The following NLRC5 variants were observed in gnomAD, a reference collection of about 807,000 sequenced individuals.
NLRC5 encodes the protein protein NLRC5.
A neutral mutation model predicts 206.9 loss-of-function variants in NLRC5; 114 were observed. The observed-to-expected ratio is 0.55, with a 90% CI of 0.47 to 0.64. The LOEUF (loss-of-function observed/expected upper bound fraction) is 0.64. Among genes scored for constraint, NLRC5 ranks in the 30% least tolerant of loss-of-function variants. The pLI, the probability that NLRC5 is intolerant of heterozygous loss-of-function variation, is 0.00. For missense variants in NLRC5, 2,008 were observed against 2,305.5 expected, an observed-to-expected ratio of 0.87 and a Z score of 2.64; for synonymous variants, 952 against 962.8, an observed-to-expected ratio of 0.99 and a Z score of 0.21.
intron 19 of NLRC5, 50 bp downstream of exon 19, chr16:57,042,115 A>G (rs2063356027): frequency 8.3e-7 from 1 of 1,205,898 alleles, no homozygotes; most frequent in Non-Finnish European, 1.1e-6. Flanking sequence ...GGGGGGGAGC[A>G]TTCTCTGTCC....
intron 10 of NLRC5, 98 bp from the exon 11 acceptor site, chr16:57,031,306 G>C (rs1321997216): frequency 7.7e-7 from 1 of 1,293,174 alleles, no homozygotes. Context: ...GCTTTATCTG[G>C]ATGTTTGAAC....
chr16:57,059,255 C>T, intron 29 of NLRC5, 194 bp downstream of exon 29: 2 of 1,468,478 alleles, frequency 1.4e-6, no homozygotes, highest in Non-Finnish European at 9.0e-7. Flanking sequence ...GCCCGGGTGC[C>T]ATGGGGACCA....
At chr16:57,062,841 G>C (rs1005512052) in intron 32 of NLRC5, 4 of 151,870 alleles carry the variant, frequency 2.6e-5, no homozygotes, top group South Asian at 2.1e-4. Flanking sequence ...TTTTTTGTAC[G>C]GCCAATCTCC....
At chr16:57,028,406 C>T in intron 8 of NLRC5, 21 bp downstream of exon 8, 6 of 1,592,906 alleles carry the variant, frequency 3.8e-6, no homozygotes, top group Non-Finnish European at 5.2e-6. Context: ...TCCAGGAGGG[C>T]TCACTGACTG....
In NLRC5 at chr16:57,039,755, T is replaced by G. The variant is rs1567582991; in HGVS notation, c.2802-26T>G. The stretch of plus-strand genomic sequence containing the variant: ...AACAGGGAGCCAATAACCTCTCGCT[T>G]CCTCACCCCTCTTTTGTCTTCACAG... On this transcript the variant is annotated intron_variant, in intron 15 of 48. Coordinates refer to ENST00000688547, the MANE Select transcript of NLRC5 (RefSeq NM_001384950.1). 2.5e-6 allele frequency: 4 copies of G among 1,607,378 alleles called. No individual in the cohort carries two copies. In the East Asian group the frequency reaches 8.9e-5, roughly 36 times the overall value.
chr16:57,016,080 T>A lies in NLRC5; in HGVS notation c.-127-994T>A, dbSNP rs190155527. Among the ~76,000 whole-genome samples, 354 of 151,788 alleles carry A rather than the reference T, an allele frequency of 2.3e-3. 1 individual carries two copies. The highest frequency in any genetic ancestry group is 8.1e-3 in the African/African-American group (334 of 41,352). On this transcript the variant is annotated intron_variant, in intron 1 of 48. Coordinates refer to ENST00000688547, the MANE Select transcript of NLRC5 (RefSeq NM_001384950.1). The stretch of plus-strand genomic sequence containing the variant: ...AAATACTAGAATTAGCCAGACGTGG[T>A]GGCACATGCCTGTAATCCCAGCTAC...
At chr16:57,022,982 G>A (rs1468230576) in intron 4 of NLRC5, among the ~76,000 whole-genome samples, 2 of 152,340 alleles carry the variant, frequency 1.3e-5, no homozygotes, top group Non-Finnish European at 2.9e-5. Flanking sequence ...TCTCATGGCT[G>A]TAACCAGATC....
At chr16:57,048,538 A>T (rs540310303) in intron 23 of NLRC5, among the ~76,000 whole-genome samples, 1 of 148,294 alleles carries the variant, frequency 6.7e-6, no homozygotes, top group Non-Finnish European at 1.5e-5. Context: ...GACCTACACT[A>T]TTTTTTTTTT....
At chr16:57,063,117 T>C (rs1483966441) in intron 32 of NLRC5, among the ~76,000 whole-genome samples, 3 of 143,396 alleles carry the variant, frequency 2.1e-5, no homozygotes, top group African/African-American at 5.3e-5. Flanking sequence ...TTTTTTTTTT[T>C]TTTTTTTTTT....
At chr16:57,038,533 T>C (rs1264820577) in intron 15 of NLRC5, among the ~76,000 whole-genome samples, 3 of 152,172 alleles carry the variant, frequency 2.0e-5, no homozygotes. Flanking sequence ...GCAAGGATTA[T>C]AGGTATGAAC....
At chr16:57,027,170 C>A in intron 6 of NLRC5, 152 bp downstream of exon 6, 1 of 913,120 alleles carries the variant, frequency 1.1e-6, no homozygotes. Flanking sequence ...AGCTCCATAC[C>A]TTGACAGGAC....
intron 1 of NLRC5, among the ~76,000 whole-genome samples, chr16:57,005,093 A>T (rs2058745357): frequency 1.3e-5 from 2 of 152,276 alleles, no homozygotes; most frequent in Non-Finnish European, 2.9e-5. Context: ...TCTTAGAGGT[A>T]ACACTTCGAA....
intron 21 of NLRC5, 49 bp downstream of exon 21, chr16:57,045,541 C>A (rs747284234): frequency 1.3e-6 from 2 of 1,592,840 alleles, no homozygotes; most frequent in South Asian, 2.2e-5. Context: ...GCTCTGGTCC[C>A]CGTCTGTTGG....
Position 57,066,551 on chromosome 16 carries a change from A to G in NLRC5, c.4259A>G (p.Gln1420Arg). Residue 1420 changes from glutamine to arginine, a missense_variant, in exon 34 of 49, where the codon CAG becomes CGG. Gln to Arg is a conservative substitution (Grantham distance 43, BLOSUM62 1). Coordinates refer to ENST00000688547, the MANE Select transcript of NLRC5 (RefSeq NM_001384950.1). The stretch of plus-strand genomic sequence containing the variant: ...CTCCTCAGCATCTCCGAGACCCAGC[A>G]GCAGCTCTGTGTCCAGCTGGAATTT... ...VTEISISETQ[Q>R]QLCVQLEFPR... 1 of 1,614,068 alleles carries G rather than the reference A, an allele frequency of 6.2e-7. No individual in the cohort carries two copies. The highest frequency in any genetic ancestry group is 8.5e-7 in the Non-Finnish European group (1 of 1,179,998).
At chr16:57,003,405 T>C (rs2058527523) in intron 1 of NLRC5, among the ~76,000 whole-genome samples, 1 of 152,088 alleles carries the variant, frequency 6.6e-6, no homozygotes, top group South Asian at 2.1e-4. Flanking sequence ...ACATGCCCCA[T>C]CCCACAACCA....
intron 1 of NLRC5, among the ~76,000 whole-genome samples, chr16:57,001,027 C>T (rs2058178305): frequency 6.6e-6 from 1 of 152,222 alleles, no homozygotes; most frequent in Non-Finnish European, 1.5e-5. Context: ...TTCTGCTCTG[C>T]CACCCTGTGC....
intron 13 of NLRC5, 118 bp from the exon 14 acceptor site, chr16:57,035,982 A>T: frequency 1.1e-6 from 1 of 918,526 alleles, no homozygotes; most frequent in East Asian, 2.5e-5. Flanking sequence ...TTCAGTTATT[A>T]TCAAGGTTCA....
intron 1 of NLRC5, among the ~76,000 whole-genome samples, chr16:57,000,059 G>A (rs759451633): frequency 4.6e-5 from 7 of 152,178 alleles, no homozygotes; most frequent in South Asian, 2.1e-4. Flanking sequence ...TGATGCCGTC[G>A]TGCAGACAAG....
chr16:57,081,175 G>T lies in NLRC5; in HGVS notation c.5399G>T (p.Arg1800Ile). The change falls in exon 47 of 49, where the codon AGA becomes ATA. Residue 1800 changes from arginine to isoleucine, a missense_variant. Coordinates refer to ENST00000688547, the MANE Select transcript of NLRC5 (RefSeq NM_001384950.1). ...QVLPQMGRLK[R>I]VDLEKNQITA... ...CTGCCGCAGATGGGCCGGCTGAAGA[G>T]AGTGGAGTATGAGGGGCCGGGGGAG... 1 of 1,541,294 alleles carries T rather than the reference G, an allele frequency of 6.5e-7. No homozygotes were observed. The highest frequency in any genetic ancestry group is 8.7e-7 in the Non-Finnish European group (1 of 1,147,318).
Sources: allele counts gnomAD v4.1 joint callset (sites outside exome capture counted in the v4.1 genomes callset), GRCh38; gene constraint gnomAD v4.1.1; transcripts MANE v1.5; gene names NCBI Gene and HGNC (gene_info 2026-07-23, HGNC 2026-07-21).